Variants in ACSF3 observed in about 807,000 individuals in gnomAD.
ACSF3 encodes the protein malonate--CoA ligase ACSF3, mitochondrial.
Under a neutral mutation model 53.2 loss-of-function variants are expected in ACSF3, and 78 were observed. The observed-to-expected ratio is 1.47, with a 90% confidence interval of 1.22 to 1.77. The LOEUF is 1.77. Among genes scored for constraint, ACSF3 ranks in the 40% most tolerant of loss-of-function variants. ACSF3 has a pLI of 0.00. For missense variants in ACSF3, 937 were observed against 771.1 expected (o/e 1.22, Z -2.55); for synonymous variants, 414 against 333.1 (o/e 1.24, Z -2.65).
chr16:89,139,197 A>C (rs1413830600), intron 8 of ACSF3, among the ~76,000 whole-genome samples: 1 of 152,066 alleles, frequency 6.6e-6, no homozygotes, highest in Non-Finnish European at 1.5e-5. Flanking sequence ...CAGAGTCGGG[A>C]AAGTCTTGGT....
intron 8 of ACSF3, among the ~76,000 whole-genome samples, chr16:89,140,632 G>T (rs1322409126): frequency 2.6e-5 from 4 of 152,120 alleles, no homozygotes; most frequent in African/African-American, 9.7e-5. Flanking sequence ...ATCCAGGCTC[G>T]GGAACCACAT....
At chr16:89,125,581 C>G (rs568993308) in intron 7 of ACSF3, among the ~76,000 whole-genome samples, 1 of 152,040 alleles carries the variant, frequency 6.6e-6, no homozygotes, top group Non-Finnish European at 1.5e-5. Context: ...ATCCCAGCTA[C>G]TCGGGAGGCT....
chr16:89,154,759 C>T lies in ACSF3; in HGVS notation c.*552C>T, dbSNP rs776741056. 41 of 454,046 alleles carry T rather than the reference C, an allele frequency of 9.0e-5. No individual in the cohort carries two copies. The highest frequency in any genetic ancestry group is 1.6e-4 in the Non-Finnish European group (36 of 226,796). The allele number at this position is 454,046 out of a possible 1,614,324, so 28.1% of individuals were successfully genotyped here. A position where few individuals can be genotyped will look rare whatever the true frequency, so the allele number is the denominator to read the frequency against. Reference sequence around the variant, plus strand: ...CATGGGTTCCGTGCATTTCCTGGTGCTGCTCTTGGAGGAGAGCAGCTCCCA... The same window carrying T: ...CATGGGTTCCGTGCATTTCCTGGTGTTGCTCTTGGAGGAGAGCAGCTCCCA... On this transcript the variant is annotated 3_prime_UTR_variant, in exon 11 of 11. Coordinates refer to ENST00000614302, the MANE Select transcript of ACSF3 (RefSeq NM_001243279.3).
chr16:89,133,751 T>G (rs964892697), intron 8 of ACSF3, among the ~76,000 whole-genome samples: 9 of 152,152 alleles, frequency 5.9e-5, no homozygotes, highest in Admixed American at 5.9e-4. Context: ...CGCAGTGCGG[T>G]TGGTTTGCAG....
intron 5 of ACSF3, chr16:89,113,249 T>C (rs1904366149): frequency 6.6e-6 from 1 of 152,116 alleles, no homozygotes; most frequent in Non-Finnish European, 1.5e-5. Context: ...TCCAGTGGGA[T>C]GTGTGTGTCT....
chr16:89,139,610 T>TC lies in ACSF3; in HGVS notation c.1367-5656dup, dbSNP rs1491257583. Among the ~76,000 whole-genome samples, 10 of 131,666 alleles carry TC rather than the reference T, an allele frequency of 7.6e-5. No individual in the cohort carries two copies. In the East Asian group the frequency reaches 2.5e-3, roughly 33 times the overall value. 86.4% of individuals were successfully genotyped at this position (131,666 alleles called of 152,430 possible). ...TTTTCTGTTTTTTTTTTTTTTTTTT[T>TC]CGAGACAGAGTCTTGCTCTGTCGCC... On this transcript the variant is annotated intron_variant, in intron 8 of 10. Coordinates refer to ENST00000614302, the MANE Select transcript of ACSF3 (RefSeq NM_001243279.3).
At chr16:89,130,497 C>T (rs892513217) in intron 7 of ACSF3, among the ~76,000 whole-genome samples, 4 of 152,152 alleles carry the variant, frequency 2.6e-5, no homozygotes, top group Non-Finnish European at 5.9e-5. Context: ...TTGTTTTAAC[C>T]TGGGAGGTGG....
intron 4 of ACSF3, among the ~76,000 whole-genome samples, chr16:89,103,785 G>A (rs1385957968): frequency 2.0e-5 from 3 of 152,192 alleles, no homozygotes; most frequent in African/African-American, 7.2e-5. Flanking sequence ...CTCTCTGCAT[G>A]GCTTCCTCTG....
Position 89,102,772 on chromosome 16 carries a change from C to G in ACSF3, c.822+13C>G, listed in dbSNP as rs774698440. 3 of 1,603,042 alleles carry G rather than the reference C, an allele frequency of 1.9e-6. No individual in the cohort carries two copies. The South Asian group carries it at 3.3e-5, about 18-fold the overall frequency. On this transcript the variant is annotated intron_variant, in intron 4 of 10. Coordinates refer to ENST00000614302, the MANE Select transcript of ACSF3 (RefSeq NM_001243279.3). ...CAGCCCTCAGCAGGTGAGTTGGGGT[C>G]AGGGCTCTCGGTTGCACCCTCAGAC...
At chr16:89,112,321 A>T (rs2151445545) in intron 5 of ACSF3, 75 bp downstream of exon 5, 1 of 1,571,924 alleles carries the variant, frequency 6.4e-7, no homozygotes, top group Non-Finnish European at 8.7e-7. Context: ...CTAATAAATC[A>T]CTCCTACTAA....
At chr16:89,095,540 C>T (rs1026487916) in intron 1 of ACSF3, among the ~76,000 whole-genome samples, 10 of 144,404 alleles carry the variant, frequency 6.9e-5, no homozygotes, top group Admixed American at 5.9e-4. Flanking sequence ...CTCTGCCCCA[C>T]GCTCTCATCG....
At chr16:89,114,668 A>G (rs1261427736) in intron 6 of ACSF3, 181 bp downstream of exon 6, 2 of 862,134 alleles carry the variant, frequency 2.3e-6, no homozygotes, top group Non-Finnish European at 3.7e-6. Flanking sequence ...CTCTGGGTAG[A>G]TCAGCCTTCT....
intron 8 of ACSF3, among the ~76,000 whole-genome samples, chr16:89,138,049 T>C (rs1910983602): frequency 6.6e-6 from 1 of 152,294 alleles, no homozygotes; most frequent in Admixed American, 6.5e-5. Context: ...TGGGACTCAC[T>C]GGCCTCAAGA....
intron 7 of ACSF3, among the ~76,000 whole-genome samples, chr16:89,127,193 T>C (rs935157669): frequency 4.6e-5 from 7 of 152,166 alleles, no homozygotes; most frequent in Non-Finnish European, 8.8e-5. Context: ...TTTTGTACTT[T>C]CTTTGGGTTG....
intron 7 of ACSF3, among the ~76,000 whole-genome samples, chr16:89,125,214 G>A (rs375768113): frequency 6.6e-6 from 1 of 152,024 alleles, no homozygotes; most frequent in Non-Finnish European, 1.5e-5. Flanking sequence ...ATGGTAGTGG[G>A]TGCCTGTAAT....
intron 6 of ACSF3, among the ~76,000 whole-genome samples, chr16:89,118,335 AAAGT>A (rs1384637696): frequency 1.3e-5 from 2 of 149,602 alleles, no homozygotes; most frequent in African/African-American, 4.9e-5. Flanking sequence ...GGTTTGGAAA[AAAGT>A]AAGTAAAGTC....
chr16:89,119,509 G>A (rs1323094226), intron 6 of ACSF3, among the ~76,000 whole-genome samples: 3 of 152,202 alleles, frequency 2.0e-5, no homozygotes, highest in Non-Finnish European at 2.9e-5. Flanking sequence ...GCCGTGCCGC[G>A]CACTGAAATG....
chr16:89,111,979 G>A (rs373554038), intron 4 of ACSF3, 113 bp from the exon 5 acceptor site: 16 of 478,738 alleles, frequency 3.3e-5, no homozygotes, highest in East Asian at 2.4e-4. Flanking sequence ...GAAGGGAGGC[G>A]CTGCAGACTC....
At position 89,101,366 on chromosome 16, in the gene ACSF3, C is replaced by G; in HGVS notation, c.666+19C>G. The G allele has an allele frequency of 7.7e-6, 12 of 1,564,668 alleles. No homozygotes were observed. Among genetic ancestry groups the G allele is most frequent in the Non-Finnish European group, 6.1e-6 (7 of 1,155,548 alleles). On this transcript the variant is annotated intron_variant, in intron 3 of 10. Coordinates refer to ENST00000614302, the MANE Select transcript of ACSF3 (RefSeq NM_001243279.3). ...GGCTGTGGTGAGTGCCGCCTGGCGC[C>G]GTGATGGTTTCGGTGACCGCACAGC...
Sources: gnomAD v4.1 joint callset for allele counts (sites outside exome capture counted in the v4.1 genomes callset) on GRCh38, gnomAD v4.1.1 for gene constraint, MANE v1.5 for transcripts, NCBI Gene and HGNC (gene_info 2026-07-23, HGNC 2026-07-21) for gene names.